KIAA1217: variants seen among roughly 807,000 people sequenced by gnomAD.
KIAA1217 encodes the protein sickle tail protein homolog.
KIAA1217 carries 88 observed loss-of-function variants against 163.9 expected under a neutral mutation model. The observed-to-expected ratio is 0.54, with a 90% CI of 0.45 to 0.64. The LOEUF is 0.64. Among genes scored for constraint, KIAA1217 ranks in the 30% least tolerant of loss-of-function variants. The pLI is 0.00. For missense variants in KIAA1217, 2,372 were observed against 2,475.0 expected (o/e 0.96, Z 0.88); for synonymous variants, 903 against 923.1 (o/e 0.98, Z 0.39).
intron 2 of KIAA1217, among the ~76,000 whole-genome samples, chr10:24,361,690 G>C (rs1407033630): frequency 6.6e-6 from 1 of 152,006 alleles, no homozygotes; most frequent in Non-Finnish European, 1.5e-5. Context: ...AAATAGAATG[G>C]CTGGGCCAGG....
chr10:24,452,400 A>G (rs895227595), intron 5 of KIAA1217, among the ~76,000 whole-genome samples: 1 of 152,058 alleles, frequency 6.6e-6, no homozygotes, highest in African/African-American at 2.4e-5. Flanking sequence ...ACGGCCGGGC[A>G]CGGTGGTTCA....
intron 1 of KIAA1217, among the ~76,000 whole-genome samples, chr10:23,941,679 A>G (rs759338791): frequency 5.3e-5 from 8 of 152,220 alleles, no homozygotes; most frequent in Non-Finnish European, 8.8e-5. Context: ...CTGAACATAC[A>G]TGGAGAATCC....
At chr10:24,340,748 C>A (rs979872488) in intron 2 of KIAA1217, among the ~76,000 whole-genome samples, 1 of 152,150 alleles carries the variant, frequency 6.6e-6, no homozygotes, top group Non-Finnish European at 1.5e-5. Flanking sequence ...CAGAAAGAAC[C>A]GTCTAGACAG....
At chr10:24,052,958 A>G (rs2131585233) in intron 2 of KIAA1217, among the ~76,000 whole-genome samples, 1 of 152,260 alleles carries the variant, frequency 6.6e-6, no homozygotes, top group South Asian at 2.1e-4. Flanking sequence ...GAGGCATCTG[A>G]GAATTTGGAA....
At chr10:23,987,427 A>C (rs1177215774) in intron 1 of KIAA1217, among the ~76,000 whole-genome samples, 8 of 148,838 alleles carry the variant, frequency 5.4e-5, no homozygotes, top group South Asian at 2.2e-4. Context: ...TTAAAAAAAA[A>C]CCCATCATTT....
In KIAA1217 at chr10:24,542,710, TGAA is replaced by T. The variant is rs1452963226; in HGVS notation, c.3555_3557del (p.Glu1185del). On this transcript the variant is annotated inframe_deletion, in exon 18 of 21. Coordinates refer to ENST00000376454, the MANE Select transcript of KIAA1217 (RefSeq NM_019590.5). Reference sequence around the variant, plus strand: ...TCTACCAGAATTTGGAATTTTTCCATGAAGATGTACGGAAATCTGATGTTGAAT... The same window carrying T: ...TCTACCAGAATTTGGAATTTTTCCATGATGTACGGAAATCTGATGTTGAAT... 2 of 1,614,210 alleles carry T rather than the reference TGAA, an allele frequency of 1.2e-6. No homozygotes were observed. Among genetic ancestry groups the T allele is most frequent in the Admixed American group, 3.3e-5 (2 of 60,024 alleles).
chr10:24,526,581 G>T (rs747248991), intron 13 of KIAA1217, among the ~76,000 whole-genome samples: 7 of 152,172 alleles, frequency 4.6e-5, no homozygotes, highest in Non-Finnish European at 8.8e-5. Context: ...TTTGAGAGGA[G>T]ACACGAGTCA....
At chr10:23,721,266 C>G (rs986830668) in intron 1 of KIAA1217, among the ~76,000 whole-genome samples, 1 of 152,078 alleles carries the variant, frequency 6.6e-6, no homozygotes, top group Non-Finnish European at 1.5e-5. Flanking sequence ...CACTTCTGCC[C>G]AAGAAGAGCA....
chr10:24,056,592 G>A (rs1227570548), intron 2 of KIAA1217, among the ~76,000 whole-genome samples: 2 of 152,126 alleles, frequency 1.3e-5, no homozygotes, highest in African/African-American at 4.8e-5. Context: ...GCTACCTGGA[G>A]GCAGAAAATG....
chr10:24,027,792 T>G (rs571775360), intron 2 of KIAA1217, among the ~76,000 whole-genome samples: 1 of 152,214 alleles, frequency 6.6e-6, no homozygotes, highest in Non-Finnish European at 1.5e-5. Context: ...AACAAAGGAC[T>G]AAGAATTCCC....
chr10:24,113,859 A>G (rs1312838539), intron 2 of KIAA1217, among the ~76,000 whole-genome samples: 2 of 152,206 alleles, frequency 1.3e-5, no homozygotes, highest in Admixed American at 6.5e-5. Flanking sequence ...CTACATATTC[A>G]TGTGGCCAGT....
intron 10 of KIAA1217, among the ~76,000 whole-genome samples, chr10:24,515,503 A>G (rs1488924156): frequency 6.6e-6 from 1 of 152,232 alleles, no homozygotes; most frequent in Non-Finnish European, 1.5e-5. Context: ...CAGAAAAGGT[A>G]GTGGAACGAA....
At chr10:24,521,398 C>G (rs1222263136) in intron 11 of KIAA1217, among the ~76,000 whole-genome samples, 2 of 151,984 alleles carry the variant, frequency 1.3e-5, no homozygotes, top group Non-Finnish European at 2.9e-5. Context: ...TCCCAGCTAT[C>G]CAGGAAGCTG....
upstream of KIAA1217, among the ~76,000 whole-genome samples, chr10:24,208,422 G>A (rs1421445616): frequency 6.6e-6 from 1 of 151,312 alleles, no homozygotes; most frequent in African/African-American, 2.4e-5. Flanking sequence ...GGGGGAGGGA[G>A]GAGTCTGAGA....
intron 1 of KIAA1217, among the ~76,000 whole-genome samples, chr10:23,900,352 C>T (rs894926347): frequency 1.1e-4 from 16 of 151,992 alleles, no homozygotes; most frequent in Non-Finnish European, 2.2e-4. Context: ...TTTTACAATC[C>T]GCAGCTACAA....
chr10:24,304,748 G>T (rs1015946176), intron 2 of KIAA1217, among the ~76,000 whole-genome samples: 1 of 152,126 alleles, frequency 6.6e-6, no homozygotes, highest in African/African-American at 2.4e-5. Context: ...AAAAGGTCCA[G>T]GTGGAGAAAG....
chr10:24,104,793 A>G (rs576655386), intron 2 of KIAA1217, among the ~76,000 whole-genome samples: 49 of 152,318 alleles, frequency 3.2e-4, no homozygotes, highest in African/African-American at 1.1e-3. Context: ...TTTTCTGCTC[A>G]ATTTTGCTAT....
intron 1 of KIAA1217, among the ~76,000 whole-genome samples, chr10:23,752,984 C>A (rs931026401): frequency 1.3e-5 from 2 of 152,154 alleles, no homozygotes; most frequent in Non-Finnish European, 2.9e-5. Flanking sequence ...GTGCCTACCC[C>A]AAATTCATAC....
intron 2 of KIAA1217, among the ~76,000 whole-genome samples, chr10:24,287,473 C>T (rs1048915386): frequency 4.7e-4 from 71 of 152,320 alleles, no homozygotes; most frequent in African/African-American, 1.6e-3. Context: ...AGGAAATAAT[C>T]ACCAACTACT....
Sources: allele counts gnomAD v4.1 joint callset (sites outside exome capture counted in the v4.1 genomes callset), GRCh38; gene constraint gnomAD v4.1.1; transcripts MANE v1.5; gene names NCBI Gene and HGNC (gene_info 2026-07-23, HGNC 2026-07-21).